The following PTPRN2 variants were observed in gnomAD, a reference collection of about 807,000 sequenced individuals.
PTPRN2 encodes the protein protein tyrosine phosphatase receptor type N2, also known as receptor-type tyrosine-protein phosphatase N2.
A neutral mutation model predicts 118.8 loss-of-function variants in PTPRN2; 74 were observed. The observed-to-expected ratio is 0.62, with a 90% CI of 0.52 to 0.76. The LOEUF is 0.76. PTPRN2 is among the 30% of genes least tolerant of loss of function. The pLI is 0.00. For missense variants in PTPRN2, 1,481 were observed against 1,394.4 expected (o/e 1.06, Z -0.99); for synonymous variants, 641 against 608.0 (o/e 1.05, Z -0.80).
At chr7:158,281,206 T>C (rs532555910) in intron 3 of PTPRN2, among the ~76,000 whole-genome samples, 34 of 152,258 alleles carry the variant, frequency 2.2e-4, no homozygotes, top group Admixed American at 5.9e-4. Flanking sequence ...GGAGAATCAC[T>C]TGAACCGGGG....
intron 13 of PTPRN2, among the ~76,000 whole-genome samples, chr7:157,675,198 C>T (rs961132056): frequency 2.6e-4 from 39 of 152,306 alleles, no homozygotes; most frequent in Non-Finnish European, 3.8e-4. Flanking sequence ...TCGCGTCCTT[C>T]GGAGAGCCTG....
Position 158,453,171 on chromosome 7 carries a change from C to T in PTPRN2, c.163+36564G>A, listed in dbSNP as rs186516247. Among the ~76,000 whole-genome samples the T allele has an allele frequency of 4.3e-3, 392 of 90,678 alleles. 25 individuals carry two copies. In the South Asian group the frequency reaches 0.055, roughly 13 times the overall value. 59.5% of individuals were successfully genotyped at this position (90,678 alleles called of 152,430 possible). A position where few individuals can be genotyped will look rare whatever the true frequency, so the allele number is the denominator to read the frequency against. On this transcript the variant is annotated intron_variant, in intron 2 of 22. Coordinates refer to ENST00000389418, the MANE Select transcript of PTPRN2 (RefSeq NM_002847.5). ...GGAATTGAAAGAGGACAGTCCTCAC[C>T]GTACGGTGCAGGGGGCACCACAGGG...
intron 5 of PTPRN2, among the ~76,000 whole-genome samples, chr7:158,178,557 T>C (rs1235686679): frequency 1.3e-5 from 2 of 151,544 alleles, no homozygotes; most frequent in Non-Finnish European, 2.9e-5. Flanking sequence ...TGAGTAGTAT[T>C]CCATGGTGTA....
intron 17 of PTPRN2, among the ~76,000 whole-genome samples, chr7:157,582,882 A>AAC (rs1554497363): frequency 4.0e-5 from 6 of 151,034 alleles, no homozygotes; most frequent in African/African-American, 9.7e-5. Flanking sequence ...CTCAAAAAAA[A>AAC]AAAACAAAAC....
chr7:158,317,051 C>T (rs1325975539), intron 2 of PTPRN2, 119 bp from the exon 3 acceptor site: 8 of 708,780 alleles, frequency 1.1e-5, no homozygotes, highest in Admixed American at 3.3e-5. Context: ...TTTTGGAGCA[C>T]GGCGTCACCA....
intron 3 of PTPRN2, among the ~76,000 whole-genome samples, chr7:158,270,752 C>CTCCACCTGGACCACCCCG (rs759450971): frequency 1.3e-5 from 2 of 150,186 alleles, no homozygotes; most frequent in South Asian, 2.1e-4. Context: ...GAGCCGTCTT[C>CTCCACCTGGACCACCCCG]TCCACCTGGA....
In PTPRN2 at chr7:157,690,509, C is replaced by T. The variant is rs1029770084; in HGVS notation, c.1789-7572G>A. On this transcript the variant is annotated intron_variant, in intron 12 of 22. Coordinates refer to ENST00000389418, the MANE Select transcript of PTPRN2 (RefSeq NM_002847.5). This position sits in a 1 kb window ranked among gnomAD's most constrained non-coding sequence, Gnocchi z 7.1. ...CTCGCCTCTTCCAGGGCCCACCCAA[C>T]CGCACTACGAGCGCCCGCGCCCCGC... is the stretch of plus-strand genomic sequence containing the variant. Among the ~76,000 whole-genome samples the T allele has an allele frequency of 6.6e-6, 1 of 152,104 alleles. No homozygotes were observed. The highest frequency in any genetic ancestry group is 1.5e-5 in the Non-Finnish European group (1 of 68,000).
chr7:158,332,764 C>A (rs1408536399), intron 2 of PTPRN2, among the ~76,000 whole-genome samples: 2 of 151,424 alleles, frequency 1.3e-5, no homozygotes, highest in African/African-American at 2.4e-5. Flanking sequence ...AGAGGACACT[C>A]ACACCCATAC....
intron 12 of PTPRN2, among the ~76,000 whole-genome samples, chr7:157,838,163 C>G (rs925599961): frequency 8.4e-5 from 12 of 142,208 alleles, no homozygotes; most frequent in East Asian, 2.2e-4. Context: ...CTCCACTATG[C>G]CTACTCCAGT....
At chr7:158,290,100 A>G (rs1399663145) in intron 3 of PTPRN2, among the ~76,000 whole-genome samples, 2 of 151,680 alleles carry the variant, frequency 1.3e-5, no homozygotes, top group African/African-American at 4.8e-5. Context: ...CAGAGCTTGA[A>G]TTTGTGGGGG....
At chr7:157,807,110 A>G (rs910516067) in intron 12 of PTPRN2, among the ~76,000 whole-genome samples, 2 of 152,184 alleles carry the variant, frequency 1.3e-5, no homozygotes, top group Non-Finnish European at 2.9e-5. Context: ...AGAGGCAGAA[A>G]TGGGGCCCTT....
chr7:158,182,714 A>G (rs1057432529), intron 5 of PTPRN2, among the ~76,000 whole-genome samples: 1 of 151,918 alleles, frequency 6.6e-6, no homozygotes, highest in African/African-American at 2.4e-5. Context: ...TTCTTCATCT[A>G]CTCTATTTTG....
Position 158,133,814 on chromosome 7 carries a change from G to C in PTPRN2, c.1419C>G (p.Leu473=), listed in dbSNP as rs745386223. The change falls in exon 9 of 23, where the codon CTC becomes CTG. Residue 473 remains leucine (L), a synonymous_variant. Coordinates refer to ENST00000389418, the MANE Select transcript of PTPRN2 (RefSeq NM_002847.5). ...TCGAGGGCCCAGGCATCTGGTTTTG[G>C]AGCTCCCCAAACGCAGCGGCCCCGG... The part of the protein sequence containing the change: ...SEPGAAAFGE[L]QNQMPGPSKE... 1.2e-6 allele frequency: 2 copies of C among 1,613,954 alleles called. No individual in the cohort carries two copies. The highest frequency in any genetic ancestry group is 1.7e-6 in the Non-Finnish European group (2 of 1,180,020).
intron 1 of PTPRN2, among the ~76,000 whole-genome samples, chr7:158,515,110 A>T (rs1426435011): frequency 6.6e-6 from 1 of 151,786 alleles, no homozygotes; most frequent in East Asian, 1.9e-4. Flanking sequence ...GAGAACTGGG[A>T]TGCGGAGAGA....
intron 3 of PTPRN2, among the ~76,000 whole-genome samples, chr7:158,276,286 G>GTATC (rs1798973488): frequency 1.6e-5 from 1 of 63,308 alleles, no homozygotes; most frequent in Non-Finnish European, 4.0e-5. Flanking sequence ...AGGCTGTAAG[G>GTATC]CAGCACCCCC....
In PTPRN2 at chr7:157,874,470, T is replaced by G. The variant is rs1413828217; in HGVS notation, c.1788+24203A>C. 6.6e-6 allele frequency among the ~76,000 whole-genome samples: 1 copy of G among 152,218 alleles called. No homozygotes were observed. Among genetic ancestry groups the G allele is most frequent in the African/African-American group, 2.4e-5 (1 of 41,454 alleles). ...TCCACATGGCCCCAGCCACAGTGCCTTCCTGCCAGCCAACCATGTTCACAA... is the reference window on the plus strand; with the variant it reads ...TCCACATGGCCCCAGCCACAGTGCCGTCCTGCCAGCCAACCATGTTCACAA... On this transcript the variant is annotated intron_variant, in intron 12 of 22. Coordinates refer to ENST00000389418, the MANE Select transcript of PTPRN2 (RefSeq NM_002847.5). The surrounding 1 kb of genome is among the most constrained non-coding windows in gnomAD (Gnocchi z 5.8).
Position 158,119,610 on chromosome 7 carries a change from AGAGG to A in PTPRN2, c.1557-8699_1557-8696del, listed in dbSNP as rs200482103. Among the ~76,000 whole-genome samples, 929 of 147,324 alleles carry A rather than the reference AGAGG, an allele frequency of 6.3e-3. 12 individuals carry two copies. The highest frequency in any genetic ancestry group is 0.024 in the African/African-American group (887 of 36,874). On this transcript the variant is annotated intron_variant, in intron 9 of 22. Transcript: ENST00000389418. ...GGTACAGTACAAGAAGATATTTGAA[AGAGG>A]GAGAGAGAGAGAGAGAGAGACACCA...
chr7:157,592,026 G>C (rs1801010723), intron 17 of PTPRN2, among the ~76,000 whole-genome samples: 1 of 152,188 alleles, frequency 6.6e-6, no homozygotes, highest in African/African-American at 2.4e-5. Context: ...GAAAAGCTGT[G>C]ACCAGGTTGA....
In PTPRN2 at chr7:157,674,231, G is replaced by C. The variant is rs746921407; in HGVS notation, c.2001+8494C>G. Among the ~76,000 whole-genome samples the C allele has an allele frequency of 6.6e-6, 1 of 152,140 alleles. No homozygotes were observed. The highest frequency in any genetic ancestry group is 1.5e-5 in the Non-Finnish European group (1 of 68,028). On this transcript the variant is annotated intron_variant, in intron 13 of 22. Coordinates refer to ENST00000389418, the MANE Select transcript of PTPRN2 (RefSeq NM_002847.5). This position sits in a 1 kb window ranked among gnomAD's most constrained non-coding sequence, Gnocchi z 4.5. ...GCCATGGAGAGCTCCGGGCCGAAGG[G>C]GACTTGGGCCTGGGAGAGAAGAGAC...
Sources: gnomAD v4.1 joint callset for allele counts (sites outside exome capture counted in the v4.1 genomes callset) on GRCh38, gnomAD v4.1.1 for gene constraint, Gnocchi (gnomAD v3.1) non-coding constraint, MANE v1.5 for transcripts, NCBI Gene and HGNC (gene_info 2026-07-23, HGNC 2026-07-21) for gene names.